ARHGEF4: variants seen among roughly 807,000 people sequenced by gnomAD.
The protein encoded by ARHGEF4 is Rho guanine nucleotide exchange factor 4.
In ARHGEF4, 119 loss-of-function variants were observed where a neutral mutation model predicts 162.0. That is an observed-to-expected ratio of 0.73 (90% CI 0.63 to 0.86). ARHGEF4 has a LOEUF of 0.86. ARHGEF4 is among the 40% of genes least tolerant of loss of function. The pLI, the probability that ARHGEF4 is intolerant of heterozygous loss-of-function variation, is 0.00. For missense variants in ARHGEF4, 2,488 were observed against 2,456.0 expected, an observed-to-expected ratio of 1.01 and a Z score of -0.28; for synonymous variants, 1,014 against 979.9, an observed-to-expected ratio of 1.03 and a Z score of -0.65.
chr2:130,963,885 G>A (rs1365606809), intron 4 of ARHGEF4: 9 of 147,744 alleles, frequency 6.1e-5, no homozygotes. Context: ...CCTCCTTAAC[G>A]GAGCCCCATG....
intron 4 of ARHGEF4, among the ~76,000 whole-genome samples, chr2:130,964,604 C>G (rs1684880532): frequency 6.6e-6 from 1 of 152,226 alleles, no homozygotes; most frequent in Non-Finnish European, 1.5e-5. Flanking sequence ...CTGTTCTTGA[C>G]CAGTTGCACC....
At chr2:130,992,183 G>A (rs946765104) in intron 4 of ARHGEF4, among the ~76,000 whole-genome samples, 3 of 152,200 alleles carry the variant, frequency 2.0e-5, no homozygotes, top group South Asian at 2.1e-4. Flanking sequence ...ACCAATCAGC[G>A]CCCTGTCAAA....
chr2:130,980,037 T>C (rs574525825), intron 4 of ARHGEF4, among the ~76,000 whole-genome samples: 1 of 152,298 alleles, frequency 6.6e-6, no homozygotes, highest in African/African-American at 2.4e-5. Flanking sequence ...AGTAGTTAGG[T>C]TACTCATCAC....
At chr2:130,856,302 TGAA>T (rs1350664726) in intron 1 of ARHGEF4, among the ~76,000 whole-genome samples, 4 of 152,158 alleles carry the variant, frequency 2.6e-5, no homozygotes, top group African/African-American at 9.7e-5. Flanking sequence ...TTATGTAATT[TGAA>T]GAACAGATGT....
intron 1 of ARHGEF4, among the ~76,000 whole-genome samples, chr2:130,906,570 C>T (rs964054989): frequency 6.6e-6 from 1 of 152,186 alleles, no homozygotes; most frequent in Non-Finnish European, 1.5e-5. Flanking sequence ...ACCTGGTTCT[C>T]ATTATCCACA....
In ARHGEF4 at chr2:130,915,628, C is replaced by T. The variant is rs111949406; in HGVS notation, c.1682C>T (p.Ala561Val). ...DAPETTQKSS[A>V]IDTSKAAEEA... is the part of the protein sequence containing the mutation. ...CCTGAGACCACCCAGAAATCAAGCG[C>T]AATAGACACTTCAAAGGCAGCCGAA... The change falls in exon 2 of 14, where the codon GCA (alanine) becomes GTA (valine). Residue 561 changes from alanine to valine, a missense_variant. Transcript: ENST00000409359. The T allele has an allele frequency of 6.5e-7, 1 of 1,550,362 alleles. No individual in the cohort carries two copies. The highest frequency in any genetic ancestry group is 8.7e-7 in the Non-Finnish European group (1 of 1,146,988).
At chr2:130,902,901 G>A (rs72992455) in intron 1 of ARHGEF4, among the ~76,000 whole-genome samples, 1,464 of 126,768 alleles carry the variant, frequency 0.012, 22 homozygotes, top group African/African-American at 0.037. Flanking sequence ...TGTTATCCTG[G>A]GATAGCCCCA....
At chr2:130,864,999 G>A (rs1682168023) in intron 1 of ARHGEF4, among the ~76,000 whole-genome samples, 1 of 152,238 alleles carries the variant, frequency 6.6e-6, no homozygotes, top group South Asian at 2.1e-4. Flanking sequence ...AGTACTTCCT[G>A]AACGTTTTTG....
intron 11 of ARHGEF4, 140 bp from the exon 12 acceptor site, chr2:131,044,159 C>A: frequency 1.6e-6 from 2 of 1,272,288 alleles, no homozygotes; most frequent in Non-Finnish European, 1.1e-6. Context: ...GCATGCTCTG[C>A]CCTCAGGATC....
Position 130,915,728 on chromosome 2 carries a change from G to A in ARHGEF4, c.1782G>A (p.Val594=). 1 of 1,548,940 alleles carries A rather than the reference G, an allele frequency of 6.5e-7. No individual in the cohort carries two copies. The highest frequency in any genetic ancestry group is 8.7e-7 in the Non-Finnish European group (1 of 1,145,946). ...TTTCAGAATTCAAGGCAGCCACGGT[G>A]TCTCACTGCGGCCCCGGGGCTGAGG... The part of the protein sequence containing the change: ...QGLSEFKAAT[V]SHCGPGAEEG... Residue 594 remains valine, a synonymous_variant, in exon 2 of 14, where the codon GTG becomes GTA. Coordinates refer to ENST00000409359, the MANE Select transcript of ARHGEF4 (RefSeq NM_001367493.1).
chr2:130,876,232 T>G (rs1678834952), intron 1 of ARHGEF4, among the ~76,000 whole-genome samples: 1 of 152,120 alleles, frequency 6.6e-6, no homozygotes, highest in Admixed American at 6.5e-5. Flanking sequence ...GCCTAGGGTT[T>G]GGAGGGGCTG....
At position 130,935,770 on chromosome 2, in the gene ARHGEF4, T is replaced by A. The variant is rs138773060; in HGVS notation, c.3858+4513T>A. On this transcript the variant is annotated intron_variant, in intron 3 of 13. Coordinates refer to ENST00000409359, the MANE Select transcript of ARHGEF4 (RefSeq NM_001367493.1). ...GAAAAGATACTTCATATGAATTCAG[T>A]CTTTTAAAATTTACTGGCCAGGCAT... Among the ~76,000 whole-genome samples, 556 of 152,296 alleles carry A rather than the reference T, an allele frequency of 3.7e-3. 2 individuals carry two copies. Among genetic ancestry groups the A allele is most frequent in the Non-Finnish European group, 6.4e-3 (435 of 68,014 alleles).
intron 3 of ARHGEF4, among the ~76,000 whole-genome samples, chr2:130,934,958 T>C (rs979694609): frequency 2.0e-5 from 3 of 152,216 alleles, no homozygotes; most frequent in Non-Finnish European, 4.4e-5. Context: ...TTTCTTATAA[T>C]CCTTTTAAAT....
chr2:130,950,621 G>A (rs115869730), intron 4 of ARHGEF4, among the ~76,000 whole-genome samples: 1 of 152,050 alleles, frequency 6.6e-6, no homozygotes, highest in African/African-American at 2.4e-5. Flanking sequence ...GATACGTGCG[G>A]TCATCACCAG....
chr2:131,011,147 A>G (rs1320003317), intron 4 of ARHGEF4, among the ~76,000 whole-genome samples: 3 of 152,222 alleles, frequency 2.0e-5, no homozygotes, highest in Admixed American at 2.0e-4. Flanking sequence ...TCCACAACAG[A>G]GGAGTAAACA....
intron 4 of ARHGEF4, among the ~76,000 whole-genome samples, chr2:130,991,457 G>A (rs528453382): frequency 6.6e-6 from 1 of 152,244 alleles, no homozygotes; most frequent in East Asian, 1.9e-4. Context: ...GGAGAGGCGC[G>A]AGCGGGAACC....
chr2:130,936,905 C>CTTTTTTTTTTTTTTTTTTTTTTTTTTTT (rs36086542), intron 3 of ARHGEF4, among the ~76,000 whole-genome samples: 5 of 82,340 alleles, frequency 6.1e-5, no homozygotes, highest in Admixed American at 3.1e-4. Flanking sequence ...TTTCTTTTTT[C>CTTTTTTTTTTTTTTTTTTTTTTTTTTTT]TTTTTTTTTT....
chr2:130,983,441 C>G (rs1209285630), intron 4 of ARHGEF4, among the ~76,000 whole-genome samples: 1 of 152,158 alleles, frequency 6.6e-6, no homozygotes, highest in Non-Finnish European at 1.5e-5. Flanking sequence ...ATGCCAAACC[C>G]TGACATCTCA....
Position 130,917,641 on chromosome 2 carries a change from C to G in ARHGEF4, c.3552+143C>G, listed in dbSNP as rs530329927. On this transcript the variant is annotated intron_variant, in intron 2 of 13. Transcript: ENST00000409359. ...CCCGTTACACTCCCAGCCGCCCCCC[C>G]TCCCCCAGTGAACACAGCGGGTGAC... is the stretch of plus-strand genomic sequence containing the variant. The G allele has an allele frequency of 1.1e-4, 125 of 1,099,208 alleles. No individual in the cohort carries two copies. In the South Asian group the frequency reaches 2.0e-3, roughly 17 times the overall value. The allele number at this position is 1,099,208 out of a possible 1,614,324, so 68.1% of individuals were successfully genotyped here.
Sources: allele counts gnomAD v4.1 joint callset (sites outside exome capture counted in the v4.1 genomes callset), GRCh38; gene constraint gnomAD v4.1.1; transcripts MANE v1.5; gene names NCBI Gene and HGNC (gene_info 2026-07-23, HGNC 2026-07-21).